Variants in DNAJC13 observed in about 807,000 individuals in gnomAD.
The protein encoded by DNAJC13 is DnaJ heat shock protein family (Hsp40) member C13, also known as dnaJ homolog subfamily C member 13.
In DNAJC13, 75 loss-of-function variants were observed where a neutral mutation model predicts 290.5. That is an observed-to-expected ratio of 0.26 (90% CI 0.21 to 0.31). The LOEUF (loss-of-function observed/expected upper bound fraction) is 0.31. DNAJC13 is among the 10% of genes least tolerant of loss of function. The probability of loss-of-function intolerance (pLI) is 1.00; values close to 1 mark genes in which losing one functional copy is unlikely to be tolerated. For missense variants in DNAJC13, 2,260 were observed against 2,674.5 expected, an observed-to-expected ratio of 0.85 and a Z score of 3.42; for synonymous variants, 862 against 892.0, an observed-to-expected ratio of 0.97 and a Z score of 0.60.
chr3:132,436,796 T>G (rs1939396331), intron 2 of DNAJC13, among the ~76,000 whole-genome samples: 1 of 152,162 alleles, frequency 6.6e-6, no homozygotes, highest in Non-Finnish European at 1.5e-5. Flanking sequence ...TTTTCTTGTG[T>G]TTGTAGGTCA....
chr3:132,466,696 C>T (rs534893834), intron 19 of DNAJC13, among the ~76,000 whole-genome samples: 2 of 152,170 alleles, frequency 1.3e-5, no homozygotes, highest in East Asian at 3.9e-4. Flanking sequence ...CTTATTGGTA[C>T]GTTCTGGAGT....
intron 2 of DNAJC13, among the ~76,000 whole-genome samples, chr3:132,435,009 T>C (rs1010321574): frequency 1.3e-5 from 2 of 152,226 alleles, no homozygotes; most frequent in Middle Eastern, 3.2e-3. Context: ...GGAGAAAATA[T>C]GCCATTCTAG....
chr3:132,453,379 C>T lies in DNAJC13; in HGVS notation c.619C>T (p.Arg207Trp), dbSNP rs887094137. The T allele has an allele frequency of 4.3e-6, 7 of 1,613,794 alleles. No homozygotes were observed. Among genetic ancestry groups the T allele is most frequent in the Non-Finnish European group, 5.1e-6 (6 of 1,179,874 alleles). Reference protein sequence around the residue: ...HAGNYIGISLRIRKEPLEFEQ... With the variant: ...HAGNYIGISLWIRKEPLEFEQ... ...TGGTAACTACATAGGTATTTCATTG[C>T]GGATCAGGAAAGAGCCTTTAGAATT... Residue 207 changes from arginine to tryptophan, a missense_variant, in exon 7 of 56, where the codon CGG becomes TGG. Arg to Trp is a moderately radical substitution (Grantham distance 101). Coordinates refer to ENST00000260818, the MANE Select transcript of DNAJC13 (RefSeq NM_015268.4).
intron 40 of DNAJC13, 44 bp downstream of exon 40, chr3:132,502,512 T>C (rs1158707518): frequency 6.6e-7 from 1 of 1,519,048 alleles, no homozygotes; most frequent in Admixed American, 1.8e-5. Context: ...ACCCAAACCT[T>C]AGGTTGGTGT....
At chr3:132,452,387 A>G (rs1314437962) in intron 6 of DNAJC13, among the ~76,000 whole-genome samples, 1 of 152,206 alleles carries the variant, frequency 6.6e-6, no homozygotes, top group Non-Finnish European at 1.5e-5. Flanking sequence ...TATGGTGACT[A>G]TAAAAAGCTG....
At chr3:132,533,774 G>T (rs1194107287) in intron 55 of DNAJC13, among the ~76,000 whole-genome samples, 1 of 152,134 alleles carries the variant, frequency 6.6e-6, no homozygotes, top group Non-Finnish European at 1.5e-5. Flanking sequence ...ATCATTCTTT[G>T]ACTTAACTTG....
chr3:132,503,485 C>A, intron 41 of DNAJC13, 104 bp downstream of exon 41: 1 of 1,319,438 alleles, frequency 7.6e-7, no homozygotes, highest in Non-Finnish European at 1.0e-6. Context: ...AAATTAAGAA[C>A]GTTCACATGT....
At chr3:132,463,230 T>A (rs1261933500) in intron 16 of DNAJC13, among the ~76,000 whole-genome samples, 1 of 152,252 alleles carries the variant, frequency 6.6e-6, no homozygotes. Flanking sequence ...CTTAAGTAGC[T>A]GTAAATATAT....
intron 38 of DNAJC13, 91 bp from the exon 39 acceptor site, chr3:132,500,703 C>A (rs747243010): frequency 2.6e-6 from 4 of 1,545,114 alleles, no homozygotes; most frequent in Non-Finnish European, 1.8e-6. Flanking sequence ...AAGCATTATT[C>A]ACAAATTTCT....
intron 5 of DNAJC13, among the ~76,000 whole-genome samples, chr3:132,449,188 C>G (rs935497833): frequency 6.6e-6 from 1 of 152,076 alleles, no homozygotes; most frequent in African/African-American, 2.4e-5. Context: ...GGCTAAACGG[C>G]ACTCTTCTTG....
chr3:132,461,241 A>G, intron 15 of DNAJC13, 36 bp downstream of exon 15: 1 of 1,605,224 alleles, frequency 6.2e-7, no homozygotes, highest in Non-Finnish European at 8.5e-7. Context: ...GATAACAGTG[A>G]ATTTAAGGGA....
intron 1 of DNAJC13, among the ~76,000 whole-genome samples, chr3:132,425,114 CA>C (rs1158516913): frequency 2.6e-5 from 4 of 152,098 alleles, no homozygotes; most frequent in African/African-American, 9.7e-5. Context: ...AATCCAGTTA[CA>C]AACAAACCTA....
chr3:132,438,967 G>A (rs1335659883), intron 2 of DNAJC13, among the ~76,000 whole-genome samples: 1 of 152,194 alleles, frequency 6.6e-6, no homozygotes, highest in Non-Finnish European at 1.5e-5. Context: ...ATTTCAGAGA[G>A]GAAGGAAAGT....
intron 9 of DNAJC13, 144 bp from the exon 10 acceptor site, chr3:132,456,091 A>T: frequency 3.0e-6 from 2 of 659,862 alleles, no homozygotes; most frequent in Non-Finnish European, 5.1e-6. Context: ...AGCTCTTCCT[A>T]AAGCCCCACT....
Position 132,525,889 on chromosome 3 carries a change from C to A in DNAJC13, c.6240+100C>A, listed in dbSNP as rs184224310. On this transcript the variant is annotated intron_variant, in intron 52 of 55. Coordinates refer to ENST00000260818, the MANE Select transcript of DNAJC13 (RefSeq NM_015268.4). ...TAGTATTATATAAATCCCCTTTCTG[C>A]CATGTGTCTTTTTGCATACGAACCA... is the stretch of plus-strand genomic sequence containing the variant. 1.1e-3 allele frequency: 1,570 copies of A among 1,367,674 alleles called. 2 individuals are homozygous for A. The highest frequency in any genetic ancestry group is 1.4e-3 in the Non-Finnish European group (1,468 of 1,014,956). The allele number at this position is 1,367,674 out of a possible 1,614,324, so 84.7% of individuals were successfully genotyped here.
chr3:132,471,078 A>C (rs1327921297), intron 20 of DNAJC13, among the ~76,000 whole-genome samples: 8 of 101,104 alleles, frequency 7.9e-5, no homozygotes, highest in Admixed American at 2.9e-4. Context: ...TTACCCCCCC[A>C]CCTCCCTCCC....
chr3:132,470,737 C>T (rs1934194722), intron 20 of DNAJC13, among the ~76,000 whole-genome samples: 2 of 103,810 alleles, frequency 1.9e-5, no homozygotes, highest in East Asian at 3.0e-4. Flanking sequence ...CCAGTAGGGG[C>T]GGCCGGGCAG....
chr3:132,532,912 A>ATTATTATTATT (rs1553753688), intron 55 of DNAJC13, among the ~76,000 whole-genome samples: 1 of 141,828 alleles, frequency 7.1e-6, no homozygotes, highest in Non-Finnish European at 1.5e-5. Context: ...TAATTTTTGT[A>ATTATTATTATT]ATTATTATTA....
chr3:132,451,728 G>A (rs1056579908), intron 6 of DNAJC13, among the ~76,000 whole-genome samples: 3 of 152,102 alleles, frequency 2.0e-5, no homozygotes, highest in Non-Finnish European at 2.9e-5. Flanking sequence ...ATAAAATATC[G>A]TTCTGTTGGT....
Sources: gnomAD v4.1 joint callset for allele counts (sites outside exome capture counted in the v4.1 genomes callset) on GRCh38, gnomAD v4.1.1 for gene constraint, MANE v1.5 for transcripts, NCBI Gene and HGNC (gene_info 2026-07-23, HGNC 2026-07-21) for gene names.